The following MTERF3 variants were observed in gnomAD, a reference collection of about 807,000 sequenced individuals.
MTERF3 encodes transcription termination factor 3, mitochondrial.
A neutral mutation model predicts 40.5 loss-of-function variants in MTERF3; 40 were observed. The observed-to-expected ratio is 0.99, with a 90% CI of 0.77 to 1.29. The LOEUF (loss-of-function observed/expected upper bound fraction) is 1.29, where lower values mean the gene tolerates loss of function less well. Ranked by LOEUF, MTERF3 falls within the 50% of genes most tolerant of loss-of-function variation. MTERF3 has a pLI of 0.00. For synonymous variants in MTERF3, 158 were observed against 166.6 expected (o/e 0.95, Z 0.40); for missense variants, 452 against 478.2 (o/e 0.95, Z 0.51).
chr8:96,240,717 C>A (rs1402662335), intron 7 of MTERF3, among the ~76,000 whole-genome samples: 1 of 152,212 alleles, frequency 6.6e-6, no homozygotes, highest in Admixed American at 6.5e-5. Context: ...CCCGATGAGG[C>A]TCAGAGGAAG....
intron 7 of MTERF3, among the ~76,000 whole-genome samples, chr8:96,241,956 C>T (rs950328267): frequency 3.9e-5 from 6 of 152,102 alleles, no homozygotes; most frequent in African/African-American, 1.2e-4. Context: ...TTTTGTTATC[C>T]TTTACCTTCC....
intron 1 of MTERF3, among the ~76,000 whole-genome samples, chr8:96,260,711 C>T (rs904687039): frequency 6.6e-6 from 1 of 152,178 alleles, no homozygotes; most frequent in African/African-American, 2.4e-5. Context: ...AATGTTTATC[C>T]TTGCATTTTT....
At chr8:96,255,609 C>T (rs1238918770) in intron 3 of MTERF3, among the ~76,000 whole-genome samples, 4 of 150,172 alleles carry the variant, frequency 2.7e-5, no homozygotes, top group Non-Finnish European at 5.9e-5. Context: ...TGTACTCCAG[C>T]CTGGGAGACA....
In MTERF3 at chr8:96,245,868, T is replaced by C. The variant is rs771421999; in HGVS notation, c.889A>G (p.Asn297Asp). 8 of 1,613,814 alleles carry C rather than the reference T, an allele frequency of 5.0e-6. No individual in the cohort carries two copies. Among genetic ancestry groups the C allele is most frequent in the Non-Finnish European group, 6.8e-6 (8 of 1,179,740 alleles). The change falls in exon 6 of 8, where the codon AAT becomes GAT. Residue 297 changes from asparagine to aspartate, a missense_variant. By Grantham distance (23) the Asn-to-Asp change is conservative (BLOSUM62 1). Coordinates refer to ENST00000287025, the MANE Select transcript of MTERF3 (RefSeq NM_015942.5). The stretch of plus-strand genomic sequence containing the variant: ...GCCTAAAGTTGTCCTACCTTCATAT[T>C]TTCTTTCACGGGTTCCAGACTTCCA... ...LTGSLEPVKE[N>D]MKVYRLELGF...
chr8:96,242,676 T>C (rs1287595126), intron 7 of MTERF3, among the ~76,000 whole-genome samples: 2 of 152,240 alleles, frequency 1.3e-5, no homozygotes, highest in African/African-American at 4.8e-5. Flanking sequence ...AGTACTCAAT[T>C]GCTGTTATTA....
chr8:96,251,009 G>A lies in MTERF3; in HGVS notation c.574C>T (p.Leu192Phe), dbSNP rs751324212. The change falls in exon 4 of 8, where the codon CTT (leucine) becomes TTT (phenylalanine). Residue 192 changes from leucine to phenylalanine, a missense_variant. Transcript: ENST00000287025. ...LDFEKDIKQM[L>F]LFLKDVGIED... Reference sequence around the variant, plus strand: ...ATACCCACATCTTTAAGAAACAGAAGCATTTGCTTAATGTCTTTTTCAAAA... The same window carrying A: ...ATACCCACATCTTTAAGAAACAGAAACATTTGCTTAATGTCTTTTTCAAAA... The A allele has an allele frequency of 5.6e-6, 9 of 1,604,850 alleles. No individual in the cohort carries two copies. The highest frequency in any genetic ancestry group is 7.6e-6 in the Non-Finnish European group (9 of 1,177,770).
intron 7 of MTERF3, among the ~76,000 whole-genome samples, chr8:96,241,477 T>C (rs760529578): frequency 3.3e-5 from 5 of 151,922 alleles, no homozygotes; most frequent in Non-Finnish European, 7.4e-5. Context: ...CCACAAATGG[T>C]TCTGGTGCTC....
chr8:96,247,923 T>C (rs1320956551), intron 4 of MTERF3, among the ~76,000 whole-genome samples: 1 of 152,156 alleles, frequency 6.6e-6, no homozygotes, highest in Non-Finnish European at 1.5e-5. Flanking sequence ...TAGCAAAGGA[T>C]ATATTACAGA....
intron 4 of MTERF3, among the ~76,000 whole-genome samples, chr8:96,250,450 C>A (rs183224476): frequency 6.8e-6 from 1 of 146,278 alleles, no homozygotes; most frequent in Non-Finnish European, 1.5e-5. Context: ...TGGCTCATGC[C>A]TGTAAAATCC....
intron 3 of MTERF3, among the ~76,000 whole-genome samples, chr8:96,256,567 T>C (rs1425844518): frequency 1.3e-5 from 2 of 152,084 alleles, no homozygotes; most frequent in African/African-American, 2.4e-5. Context: ...TTTATAGTCA[T>C]AATTTAACTA....
In MTERF3 at chr8:96,244,995, G is replaced by A. The variant is rs554240140; in HGVS notation, c.897+865C>T. 1.1e-3 allele frequency among the ~76,000 whole-genome samples: 173 copies of A among 152,286 alleles called. 1 individual carries two copies. The highest frequency in any genetic ancestry group is 2.0e-3 in the Admixed American group (30 of 15,298). On this transcript the variant is annotated intron_variant, in intron 6 of 7. Transcript: ENST00000287025. The stretch of plus-strand genomic sequence containing the variant: ...TTTGCTCCCAAGTACACCCACATAT[G>A]TGTTGTCTGAAAAACGACATGTCAA...
At chr8:96,241,516 A>C (rs910080106) in intron 7 of MTERF3, among the ~76,000 whole-genome samples, 1 of 152,242 alleles carries the variant, frequency 6.6e-6, no homozygotes, top group Non-Finnish European at 1.5e-5. Flanking sequence ...CCTAAATATA[A>C]TAACACTTCA....
chr8:96,245,274 A>C (rs960393205), intron 6 of MTERF3, among the ~76,000 whole-genome samples: 3 of 152,198 alleles, frequency 2.0e-5, no homozygotes, highest in African/African-American at 7.2e-5. Context: ...TATTTCAAAT[A>C]CTACTACAGC....
chr8:96,246,954 T>C (rs890400275), intron 4 of MTERF3, among the ~76,000 whole-genome samples: 1 of 152,052 alleles, frequency 6.6e-6, no homozygotes, highest in African/African-American at 2.4e-5. Flanking sequence ...GTATATTTAC[T>C]GAGCCCCTCC....
Position 96,239,418 on chromosome 8 carries a change from G to T in MTERF3, c.*73C>A. On this transcript the variant is annotated 3_prime_UTR_variant, in exon 8 of 8. Coordinates refer to ENST00000287025, the MANE Select transcript of MTERF3 (RefSeq NM_015942.5). The stretch of plus-strand genomic sequence containing the variant: ...TTTCCAATATCAGTTGAGACCCGAG[G>T]CATTTAAAAATATATTCATTTATTC... 8.5e-7 allele frequency: 1 copy of T among 1,177,762 alleles called. No individual in the cohort carries two copies. The highest frequency in any genetic ancestry group is 1.2e-6 in the Non-Finnish European group (1 of 860,430). 73.0% of individuals were successfully genotyped at this position (1,177,762 alleles called of 1,614,324 possible). A position where few individuals can be genotyped will look rare whatever the true frequency, so the allele number is the denominator to read the frequency against.
At chr8:96,249,886 T>G (rs1810091895) in intron 4 of MTERF3, among the ~76,000 whole-genome samples, 1 of 152,204 alleles carries the variant, frequency 6.6e-6, no homozygotes, top group Non-Finnish European at 1.5e-5. Context: ...GAAAGCAAGT[T>G]AATACCAGTA....
rs897209197 is a variant in MTERF3 at position 96,257,080 on chromosome 8, C to T, written c.369G>A (p.Gln123=). 2.5e-6 allele frequency: 4 copies of T among 1,613,268 alleles called. No individual in the cohort carries two copies. Among genetic ancestry groups the T allele is most frequent in the Non-Finnish European group, 3.4e-6 (4 of 1,179,638 alleles). ...GAATAGCCTCTTCCTCTGAAATTGG[C>T]TGCATTGGAGACAATGGAGGCAATT... ...LDELPPLSPM[Q]PISEEEAIQI... Residue 123 remains glutamine, a synonymous_variant, in exon 3 of 8, where the codon CAG becomes CAA. Transcript: ENST00000287025.
At chr8:96,242,671 T>C (rs1348122001) in intron 7 of MTERF3, among the ~76,000 whole-genome samples, 2 of 152,240 alleles carry the variant, frequency 1.3e-5, no homozygotes, top group Non-Finnish European at 2.9e-5. Context: ...CAGTAAGTAC[T>C]CAATTGCTGT....
rs189777583 is a variant in MTERF3 at position 96,252,062 on chromosome 8, A to G, written c.488-967T>C. ...TTAAAAAGGGGGGTTTCCAGGCACA[A>G]GCTCCCTTCTCTTGGCTGCTGCCAC... On this transcript the variant is annotated intron_variant, in intron 3 of 7. Coordinates refer to ENST00000287025, the MANE Select transcript of MTERF3 (RefSeq NM_015942.5). Among the ~76,000 whole-genome samples, 169 of 152,310 alleles carry G rather than the reference A, an allele frequency of 1.1e-3. 1 individual carries two copies. Among genetic ancestry groups the G allele is most frequent in the African/African-American group, 4.0e-3 (168 of 41,570 alleles).
Sources: allele counts gnomAD v4.1 joint callset (sites outside exome capture counted in the v4.1 genomes callset), GRCh38; gene constraint gnomAD v4.1.1; transcripts MANE v1.5; gene names NCBI Gene and HGNC (gene_info 2026-07-23, HGNC 2026-07-21).